The following FRAS1 variants were observed in gnomAD, a reference collection of about 807,000 sequenced individuals.
FRAS1 encodes Fraser extracellular matrix complex subunit 1.
Under a neutral mutation model 435.2 loss-of-function variants are expected in FRAS1, and 290 were observed. The observed-to-expected ratio is 0.67, with a 90% confidence interval of 0.61 to 0.73. FRAS1 has a LOEUF of 0.73. FRAS1 is among the 30% of genes least tolerant of loss of function. The probability of loss-of-function intolerance (pLI) is 0.00; values close to 1 mark genes in which losing one functional copy is unlikely to be tolerated. For synonymous variants in FRAS1, 1,800 were observed against 1,851.0 expected, an observed-to-expected ratio of 0.97 and a Z score of 0.71; for missense variants, 4,860 against 5,001.5, an observed-to-expected ratio of 0.97 and a Z score of 0.85.
intron 47 of FRAS1, among the ~76,000 whole-genome samples, chr4:78,462,167 A>G (rs1427313208): frequency 6.6e-6 from 1 of 152,170 alleles, no homozygotes; most frequent in Admixed American, 6.5e-5. Flanking sequence ...GTCAGGAGTT[A>G]GAGACCACCC....
At chr4:78,243,208 A>G (rs1725083189) in intron 3 of FRAS1, among the ~76,000 whole-genome samples, 1 of 152,178 alleles carries the variant, frequency 6.6e-6, no homozygotes, top group Admixed American at 6.5e-5. Context: ...ATATGTATAT[A>G]TCTATATGTA....
At chr4:78,508,649 G>T (rs1720925768) in intron 62 of FRAS1, 82 bp from the exon 63 acceptor site, 1 of 1,393,574 alleles carries the variant, frequency 7.2e-7, no homozygotes, top group Middle Eastern at 1.8e-4. Flanking sequence ...AAGAGATCTT[G>T]TGGATCTCTA....
chr4:78,537,526 A>G (rs1409159609), intron 72 of FRAS1, among the ~76,000 whole-genome samples: 1 of 152,088 alleles, frequency 6.6e-6, no homozygotes, highest in African/African-American at 2.4e-5. Flanking sequence ...TATGATGATG[A>G]CTCTTTTTTT....
intron 34 of FRAS1, among the ~76,000 whole-genome samples, chr4:78,423,714 T>C (rs545175970): frequency 1.3e-5 from 2 of 152,306 alleles, no homozygotes; most frequent in African/African-American, 4.8e-5. Flanking sequence ...ACGGTGGGTA[T>C]AGGCTTCCTC....
At chr4:78,152,164 A>T (rs548591188) in intron 2 of FRAS1, among the ~76,000 whole-genome samples, 1 of 152,276 alleles carries the variant, frequency 6.6e-6, no homozygotes, top group South Asian at 2.1e-4. Context: ...AATAAATGTC[A>T]GTGTTGCCAT....
Position 78,429,164 on chromosome 4 carries a change from T to C in FRAS1, c.4781T>C (p.Leu1594Pro), listed in dbSNP as rs542804072. Reference sequence around the variant, plus strand: ...CACTTACTTCCCAGTGATCAGCAACTGCCAGTGTTCCAGGTCACAGCTCCA... The same window carrying C: ...CACTTACTTCCCAGTGATCAGCAACCGCCAGTGTTCCAGGTCACAGCTCCA... The part of the protein sequence containing the change: ...TIHLLPSDQQ[L>P]PVFQVTAPRL... Residue 1594 changes from leucine to proline, a missense_variant, in exon 36 of 74, where the codon CTG (leucine) becomes CCG (proline). By Grantham distance (98) the Leu-to-Pro change is moderately conservative. Coordinates refer to ENST00000512123, the MANE Select transcript of FRAS1 (RefSeq NM_025074.7). 44 of 1,598,906 alleles carry C rather than the reference T, an allele frequency of 2.8e-5. No homozygotes were observed. The East Asian group carries it at 9.2e-4, about 34-fold the overall frequency.
intron 3 of FRAS1, among the ~76,000 whole-genome samples, chr4:78,240,349 G>A (rs904458256): frequency 6.6e-6 from 1 of 152,182 alleles, no homozygotes; most frequent in Non-Finnish European, 1.5e-5. Flanking sequence ...CACTGATAGT[G>A]TAGGGATCAA....
At chr4:78,098,352 T>A (rs968354664) in intron 2 of FRAS1, among the ~76,000 whole-genome samples, 13 of 150,576 alleles carry the variant, frequency 8.6e-5, no homozygotes, top group Non-Finnish European at 1.5e-5. Context: ...CTCAGCTCAC[T>A]GCAACCTCCA....
At chr4:78,523,776 A>G (rs1438506902) in intron 69 of FRAS1, among the ~76,000 whole-genome samples, 1 of 152,182 alleles carries the variant, frequency 6.6e-6, no homozygotes, top group African/African-American at 2.4e-5. Context: ...AGACAGGGAA[A>G]CTGTCTTCCT....
intron 2 of FRAS1, among the ~76,000 whole-genome samples, chr4:78,161,746 A>G (rs927283300): frequency 9.3e-5 from 13 of 140,516 alleles, no homozygotes; most frequent in Admixed American, 8.6e-4. Flanking sequence ...CTGTCTCAAA[A>G]AAAAAAAAAA....
intron 2 of FRAS1, among the ~76,000 whole-genome samples, chr4:78,112,636 A>G (rs918053242): frequency 6.6e-6 from 1 of 152,102 alleles, no homozygotes; most frequent in African/African-American, 2.4e-5. Flanking sequence ...GATTTTGTAC[A>G]TGGCTACTTA....
At chr4:78,370,505 C>G (rs1422675684) in intron 23 of FRAS1, among the ~76,000 whole-genome samples, 4 of 152,174 alleles carry the variant, frequency 2.6e-5, no homozygotes, top group African/African-American at 9.7e-5. Flanking sequence ...GTCGTCCCTG[C>G]TGGATGGAAC....
At position 78,479,690 on chromosome 4, in the gene FRAS1, C is replaced by A. The variant is rs759369144; in HGVS notation, c.8415C>A (p.Asn2805Lys). 1.3e-6 allele frequency: 2 copies of A among 1,597,232 alleles called. No individual in the cohort carries two copies. Among genetic ancestry groups the A allele is most frequent in the Non-Finnish European group, 1.7e-6 (2 of 1,169,314 alleles). Residue 2805 changes from asparagine (N) to lysine (K), a missense_variant, in exon 56 of 74, where the codon AAC becomes AAA. Physicochemically the swap from Asn to Lys is moderately conservative, Grantham distance 94 (BLOSUM62 0). Transcript: ENST00000512123. The stretch of plus-strand genomic sequence containing the variant: ...ATGCCTCGACTGTGTCCCTGGGCAA[C>A]ACGGCTTTCACTGTCAGTGAGGACG... ...PNDASTVSLGNTAFTVSEDAG... is the reference protein window; with the variant it reads ...PNDASTVSLGKTAFTVSEDAG...
intron 18 of FRAS1, among the ~76,000 whole-genome samples, chr4:78,320,321 C>A (rs1342313613): frequency 6.6e-6 from 1 of 152,224 alleles, no homozygotes; most frequent in Non-Finnish European, 1.5e-5. Flanking sequence ...TCCCAAGGCA[C>A]ATGCCACACA....
At chr4:78,181,572 C>T in intron 2 of FRAS1, 1 of 1,611,586 alleles carries the variant, frequency 6.2e-7, no homozygotes, top group Non-Finnish European at 8.5e-7. Flanking sequence ...ATAGGTCGGT[C>T]AATAATCGGT....
At position 78,481,831 on chromosome 4, in the gene FRAS1, A is replaced by T. The variant is rs1237744963; in HGVS notation, c.8471A>T (p.His2824Leu). 6.2e-7 allele frequency: 1 copy of T among 1,613,814 alleles called. No homozygotes were observed. Among genetic ancestry groups the T allele is most frequent in the Non-Finnish European group, 8.5e-7 (1 of 1,179,828 alleles). Reference sequence around the variant, plus strand: ...ACAGTAAAGATTCCAGTTATCCGCCATGGTACTGACCTCTCTACTTTCGCA... The same window carrying T: ...ACAGTAAAGATTCCAGTTATCCGCCTTGGTACTGACCTCTCTACTTTCGCA... ...AGTVKIPVIRHGTDLSTFASV... is the reference protein window; with the variant it reads ...AGTVKIPVIRLGTDLSTFASV... The change falls in exon 57 of 74, where the codon CAT (histidine) becomes CTT (leucine). Residue 2824 changes from histidine to leucine, a missense_variant. Coordinates refer to ENST00000512123, the MANE Select transcript of FRAS1 (RefSeq NM_025074.7).
chr4:78,501,299 T>C (rs1370483231), intron 61 of FRAS1, among the ~76,000 whole-genome samples: 1 of 152,230 alleles, frequency 6.6e-6, no homozygotes, highest in Non-Finnish European at 1.5e-5. Flanking sequence ...CAAGAACTCA[T>C]CCTTTTTTAT....
chr4:78,534,377 G>A, intron 70 of FRAS1, 72 bp from the exon 71 acceptor site: 1 of 1,275,876 alleles, frequency 7.8e-7, no homozygotes, highest in Non-Finnish European at 1.1e-6. Context: ...GTGGGGAAGG[G>A]AGGGTGACTC....
intron 4 of FRAS1, among the ~76,000 whole-genome samples, chr4:78,246,340 G>A (rs1725245722): frequency 6.6e-6 from 1 of 152,090 alleles, no homozygotes; most frequent in Admixed American, 6.6e-5. Context: ...TTCAGTGTGG[G>A]GACCTAAAAC....
Sources: gnomAD v4.1 joint callset for allele counts (sites outside exome capture counted in the v4.1 genomes callset) on GRCh38, gnomAD v4.1.1 for gene constraint, MANE v1.5 for transcripts, NCBI Gene and HGNC (gene_info 2026-07-23, HGNC 2026-07-21) for gene names.